Variants in IQSEC1 observed in about 807,000 individuals in gnomAD.
IQSEC1 encodes the protein IQ motif and Sec7 domain ArfGEF 1, also known as IQ motif and SEC7 domain-containing protein 1.
IQSEC1 carries 31 observed loss-of-function variants against 91.0 expected under a neutral mutation model. The ratio of observed to expected loss-of-function variants is 0.34; its 90% CI spans 0.26 to 0.46. IQSEC1 has a LOEUF of 0.46. Ranked by LOEUF, IQSEC1 falls within the 20% of genes least tolerant of loss-of-function variation. The pLI is 1.00. For missense variants in IQSEC1, 1,388 were observed against 1,575.6 expected, an observed-to-expected ratio of 0.88 and a Z score of 2.02; for synonymous variants, 699 against 662.6, an observed-to-expected ratio of 1.05 and a Z score of -0.84.
chr3:13,225,894 T>TA (rs1694745067), intron 1 of IQSEC1, among the ~76,000 whole-genome samples: 1 of 152,170 alleles, frequency 6.6e-6, no homozygotes, highest in African/African-American at 2.4e-5. Context: ...TTTTTTCTTT[T>TA]TTTGAGAAGG....
intron 10 of IQSEC1, among the ~76,000 whole-genome samples, chr3:12,910,341 A>G (rs1216572250): frequency 2.6e-5 from 4 of 152,238 alleles, no homozygotes; most frequent in Non-Finnish European, 5.9e-5. Context: ...CCCTGGGACC[A>G]TAGACATGAT....
chr3:12,946,250 T>C (rs1699170746), intron 1 of IQSEC1, among the ~76,000 whole-genome samples: 1 of 152,222 alleles, frequency 6.6e-6, no homozygotes, highest in Non-Finnish European at 1.5e-5. Flanking sequence ...TGTAGCTGCC[T>C]TGGGGATGCT....
intron 2 of IQSEC1, among the ~76,000 whole-genome samples, chr3:13,157,763 G>A (rs968220173): frequency 9.9e-5 from 15 of 152,160 alleles, no homozygotes; most frequent in South Asian, 4.1e-4. Context: ...CTGAGCAGCC[G>A]CGTCTCCACA....
intron 1 of IQSEC1, among the ~76,000 whole-genome samples, chr3:13,205,107 C>T (rs972573579): frequency 6.6e-6 from 1 of 152,068 alleles, no homozygotes; most frequent in Admixed American, 6.5e-5. Flanking sequence ...CCGTGCTGTC[C>T]GTTTTCTACA....
rs933094058 is a variant in IQSEC1, at chr3:13,143,338, G to A, written c.302+20766C>T. On this transcript the variant is annotated intron_variant, in intron 2 of 15. Coordinates refer to the IQSEC1 transcript ENST00000648114. ...AGTCCCGCTCCTTTCTGGGATGGGT[G>A]AAATGGGGCCTGGGGAGGAGGTGGT... Among the ~76,000 whole-genome samples the A allele has an allele frequency of 3.3e-5, 5 of 152,216 alleles. No individual in the cohort carries two copies. In the South Asian group the frequency reaches 6.2e-4, roughly 19 times the overall value.
rs144514312 is a variant in IQSEC1, at chr3:13,038,426, T to C, written c.23+34566A>G. On this transcript the variant is annotated intron_variant, in intron 1 of 13. Coordinates refer to ENST00000613206, the MANE Select transcript of IQSEC1 (RefSeq NM_001134382.3). Reference sequence around the variant, plus strand: ...ACAAAATATCACATGTTCTCACTTATTTGTGGGATCTAAAAATCAAAACAA... The same window carrying C: ...ACAAAATATCACATGTTCTCACTTACTTGTGGGATCTAAAAATCAAAACAA... Among the ~76,000 whole-genome samples, 778 of 151,728 alleles carry C rather than the reference T, an allele frequency of 5.1e-3. 8 individuals carry two copies. Among genetic ancestry groups the C allele is most frequent in the African/African-American group, 0.018 (746 of 41,388 alleles).
intron 1 of IQSEC1, among the ~76,000 whole-genome samples, chr3:13,252,044 C>T (rs574912251): frequency 1.3e-5 from 2 of 152,204 alleles, no homozygotes; most frequent in East Asian, 1.9e-4. Context: ...GTAAACTACA[C>T]ACAACACAAA....
At chr3:12,925,105 C>A (rs1422911866) in intron 3 of IQSEC1, among the ~76,000 whole-genome samples, 4 of 152,186 alleles carry the variant, frequency 2.6e-5, no homozygotes, top group African/African-American at 9.7e-5. Context: ...ACTCCCCTGC[C>A]CTGCCTGCAG....
intron 1 of IQSEC1, among the ~76,000 whole-genome samples, chr3:13,239,383 T>C (rs1476933444): frequency 6.6e-6 from 1 of 152,210 alleles, no homozygotes; most frequent in Non-Finnish European, 1.5e-5. Flanking sequence ...ACCCATGGAT[T>C]TGGCACACCG....
At chr3:12,980,889 T>C (rs1263227666) in intron 1 of IQSEC1, among the ~76,000 whole-genome samples, 1 of 152,216 alleles carries the variant, frequency 6.6e-6, no homozygotes, top group Non-Finnish European at 1.5e-5. Context: ...GTGACAACCA[T>C]GGCTGTCTTA....
rs1392654737 is a variant in IQSEC1 at position 13,282,687 on chromosome 3, C to G, written c.272+24G>C. On this transcript the variant is annotated intron_variant, in intron 1 of 15. Transcript: ENST00000648114. This position sits in a 1 kb window ranked among gnomAD's most constrained non-coding sequence, Gnocchi z 6.4. ...AAGAAGTTCCCACGTCCCCGACACG[C>G]CCGCCGCCCCGGGCCCCGCTTACTT... 6.6e-6 allele frequency among the ~76,000 whole-genome samples: 1 copy of G among 151,162 alleles called. No individual in the cohort carries two copies. The highest frequency in any genetic ancestry group is 2.4e-5 in the African/African-American group (1 of 41,282).
chr3:13,264,506 T>C (rs576931344), intron 1 of IQSEC1, among the ~76,000 whole-genome samples: 1 of 152,140 alleles, frequency 6.6e-6, no homozygotes, highest in African/African-American at 2.4e-5. Context: ...CTACAAAATG[T>C]AGCATTTTCT....
intron 1 of IQSEC1, among the ~76,000 whole-genome samples, chr3:13,034,887 G>C (rs1469559564): frequency 6.6e-6 from 1 of 152,224 alleles, no homozygotes; most frequent in Non-Finnish European, 1.5e-5. Flanking sequence ...CCAGCACACA[G>C]GCTCCCCTAA....
At chr3:12,978,896 C>T (rs777225559) in intron 1 of IQSEC1, among the ~76,000 whole-genome samples, 1 of 152,060 alleles carries the variant, frequency 6.6e-6, no homozygotes, top group Non-Finnish European at 1.5e-5. Context: ...GGGAATTCAC[C>T]GGGTGGCCCA....
chr3:13,037,194 A>G lies in IQSEC1; in HGVS notation c.23+35798T>C, dbSNP rs575282742. The stretch of plus-strand genomic sequence containing the variant: ...AAGAATGTGGGGACATGGGACTCTC[A>G]CCCACTGCTGGTAAGGCTACATACT... On this transcript the variant is annotated intron_variant, in intron 1 of 13. Transcript: ENST00000613206. Among the ~76,000 whole-genome samples, 8 of 152,238 alleles carry G rather than the reference A, an allele frequency of 5.3e-5. No individual in the cohort carries two copies. The East Asian group carries it at 1.5e-3, about 29-fold the overall frequency.
intron 1 of IQSEC1, among the ~76,000 whole-genome samples, chr3:13,237,053 G>A (rs889765796): frequency 1.3e-5 from 2 of 152,194 alleles, no homozygotes; most frequent in Non-Finnish European, 2.9e-5. Flanking sequence ...TGCTGGACAC[G>A]GATCCCAAGG....
intron 1 of IQSEC1, among the ~76,000 whole-genome samples, chr3:13,027,334 A>G (rs964689784): frequency 6.6e-6 from 1 of 152,138 alleles, no homozygotes; most frequent in Admixed American, 6.5e-5. Context: ...CACTCACTTC[A>G]GGGCAGGAGC....
intron 1 of IQSEC1, among the ~76,000 whole-genome samples, chr3:12,966,159 C>T (rs1340502785): frequency 6.6e-6 from 1 of 152,144 alleles, no homozygotes; most frequent in Non-Finnish European, 1.5e-5. Context: ...CCACTGATTC[C>T]AGACAGATGG....
At chr3:13,185,854 C>G (rs1376777499) in intron 1 of IQSEC1, among the ~76,000 whole-genome samples, 1 of 152,290 alleles carries the variant, frequency 6.6e-6, no homozygotes, top group Non-Finnish European at 1.5e-5. Context: ...CTGGATGCCA[C>G]TGGCTGGCCC....
Sources: allele counts gnomAD v4.1 joint callset (sites outside exome capture counted in the v4.1 genomes callset), GRCh38; gene constraint gnomAD v4.1.1; non-coding constraint Gnocchi (gnomAD v3.1); transcripts MANE v1.5; gene names NCBI Gene and HGNC (gene_info 2026-07-23, HGNC 2026-07-21).